TNFRSF19: variants seen among roughly 807,000 people sequenced by gnomAD.
TNFRSF19 encodes tumor necrosis factor receptor superfamily member 19.
TNFRSF19 carries 27 observed loss-of-function variants against 46.4 expected under a neutral mutation model. The observed-to-expected ratio is 0.58, with a 90% CI of 0.43 to 0.80. The LOEUF (loss-of-function observed/expected upper bound fraction) is 0.80. Ranked by LOEUF, TNFRSF19 falls within the 30% of genes least tolerant of loss-of-function variation. The pLI, the probability that TNFRSF19 is intolerant of heterozygous loss-of-function variation, is 0.00. For missense variants in TNFRSF19, 511 were observed against 530.8 expected (o/e 0.96, Z 0.37); for synonymous variants, 204 against 205.0 (o/e 1.00, Z 0.04).
intron 5 of TNFRSF19, among the ~76,000 whole-genome samples, chr13:23,638,788 C>T (rs1861072229): frequency 6.6e-6 from 1 of 152,142 alleles, no homozygotes; most frequent in African/African-American, 2.4e-5. Flanking sequence ...CTCTTGACTC[C>T]TTTGCTCCCT....
intron 7 of TNFRSF19, among the ~76,000 whole-genome samples, chr13:23,664,478 C>G (rs1186991371): frequency 6.6e-6 from 1 of 152,168 alleles, no homozygotes; most frequent in Non-Finnish European, 1.5e-5. Flanking sequence ...AATTAAAACC[C>G]TCTATAGCCA....
At chr13:23,623,009 G>T (rs1381334464) in intron 4 of TNFRSF19, among the ~76,000 whole-genome samples, 1 of 152,064 alleles carries the variant, frequency 6.6e-6, no homozygotes, top group Admixed American at 6.5e-5. Context: ...TTTTAGGTGC[G>T]CAGTTCAGTA....
Position 23,573,038 on chromosome 13 carries a change from G to A in TNFRSF19, c.-35+2190G>A, listed in dbSNP as rs1165827171. ...TGATCACATCATCTTTATGAAATAA[G>A]CAGAATTGGAATTTTTATGGCCATT... On this transcript the variant is annotated intron_variant, in intron 1 of 9. Transcript: ENST00000248484. Among the ~76,000 whole-genome samples the A allele has an allele frequency of 2.6e-5, 4 of 152,168 alleles. No homozygotes were observed. The East Asian group carries it at 7.7e-4, about 29-fold the overall frequency.
At chr13:23,604,244 A>T (rs1880363974) in intron 3 of TNFRSF19, among the ~76,000 whole-genome samples, 1 of 148,126 alleles carries the variant, frequency 6.8e-6, no homozygotes, top group African/African-American at 2.6e-5. Context: ...AAAACACAAT[A>T]TAATTTATAT....
At chr13:23,620,354 A>G (rs765316393) in intron 4 of TNFRSF19, among the ~76,000 whole-genome samples, 1 of 152,184 alleles carries the variant, frequency 6.6e-6, no homozygotes, top group African/African-American at 2.4e-5. Context: ...TTCTCTAGCA[A>G]GAACCTGCTG....
chr13:23,581,328 A>G (rs980278129), intron 1 of TNFRSF19, among the ~76,000 whole-genome samples: 5 of 151,844 alleles, frequency 3.3e-5, no homozygotes, highest in African/African-American at 1.2e-4. Flanking sequence ...TTGTATTTTT[A>G]GTAGAGACAG....
In TNFRSF19 at chr13:23,659,669, G is replaced by A. The variant is rs191829449; in HGVS notation, c.610+455G>A. 5.3e-5 allele frequency among the ~76,000 whole-genome samples: 8 copies of A among 152,060 alleles called. No homozygotes were observed. On this transcript the variant is annotated intron_variant, in intron 6 of 9. Coordinates refer to ENST00000248484, the MANE Select transcript of TNFRSF19 (RefSeq NM_148957.4). This position sits in a 1 kb window ranked among gnomAD's most constrained non-coding sequence, Gnocchi z 4.9. Reference sequence around the variant, plus strand: ...CTACAGGCGCCCGCCACCACGCCTGGATAATTTTTGTATTTTTAGTAGAAA... The same window carrying A: ...CTACAGGCGCCCGCCACCACGCCTGAATAATTTTTGTATTTTTAGTAGAAA...
At chr13:23,576,436 A>G (rs1877963406) in intron 1 of TNFRSF19, among the ~76,000 whole-genome samples, 1 of 152,150 alleles carries the variant, frequency 6.6e-6, no homozygotes, top group Non-Finnish European at 1.5e-5. Flanking sequence ...CCCGGCCCAC[A>G]GAACTCTTTT....
intron 3 of TNFRSF19, among the ~76,000 whole-genome samples, chr13:23,603,944 AG>A (rs1247902199): frequency 6.6e-6 from 1 of 152,070 alleles, no homozygotes; most frequent in Non-Finnish European, 1.5e-5. Context: ...GAACAAGGCA[AG>A]GATGTTCCCT....
At chr13:23,602,745 CA>C (rs1168381371) in intron 3 of TNFRSF19, among the ~76,000 whole-genome samples, 2 of 151,948 alleles carry the variant, frequency 1.3e-5, no homozygotes, top group Non-Finnish European at 2.9e-5. Flanking sequence ...AGATTAAGAA[CA>C]CACTTCTAAA....
intron 5 of TNFRSF19, among the ~76,000 whole-genome samples, chr13:23,641,907 T>G (rs1331729894): frequency 3.3e-5 from 5 of 152,234 alleles, no homozygotes; most frequent in African/African-American, 1.2e-4. Context: ...GCTTTAAATG[T>G]GCTCAGTACA....
intron 1 of TNFRSF19, among the ~76,000 whole-genome samples, chr13:23,588,381 TG>T (rs758081656): frequency 6.6e-6 from 1 of 152,224 alleles, no homozygotes; most frequent in Non-Finnish European, 1.5e-5. Flanking sequence ...GTTCTATTTT[TG>T]TCTCCTTATG....
At chr13:23,647,997 G>A in intron 5 of TNFRSF19, among the ~76,000 whole-genome samples, 1 of 151,854 alleles carries the variant, frequency 6.6e-6, no homozygotes, top group Admixed American at 6.6e-5. Context: ...TGTAGCTTTT[G>A]TAGTAAGGTT....
intron 1 of TNFRSF19, among the ~76,000 whole-genome samples, chr13:23,575,233 G>A (rs1245192778): frequency 1.3e-5 from 2 of 152,172 alleles, no homozygotes; most frequent in Non-Finnish European, 2.9e-5. Context: ...AGCCAATGAG[G>A]TACTCAGGGC....
chr13:23,594,071 C>T (rs866261518), intron 3 of TNFRSF19, among the ~76,000 whole-genome samples: 5 of 152,182 alleles, frequency 3.3e-5, no homozygotes, highest in South Asian at 4.1e-4. Context: ...CACTCCAACC[C>T]GGATACTACG....
In TNFRSF19 at chr13:23,668,043, T is replaced by G; in HGVS notation, c.800T>G (p.Leu267Arg). The stretch of plus-strand genomic sequence containing the variant: ...GCCTGCAGCCCCAACCCGGCGACTC[T>G]TGGTTGTGGGGTGCATTCTGCAGCC... ...EEACSPNPAT[L>R]GCGVHSAASL... Residue 267 changes from leucine to arginine, a missense_variant, in exon 8 of 10, where the codon CTT becomes CGT. By Grantham distance (102) the Leu-to-Arg change is moderately radical (BLOSUM62 -2). Around this residue, in one of 3 missense-constraint regions of TNFRSF19, gnomAD observed 376 missense variants for 372.7 expected, o/e 1.01. Coordinates refer to ENST00000248484, the MANE Select transcript of TNFRSF19 (RefSeq NM_148957.4). The G allele has an allele frequency of 6.2e-7, 1 of 1,610,186 alleles. No homozygotes were observed.
At chr13:23,578,615 A>G (rs923251091) in intron 1 of TNFRSF19, among the ~76,000 whole-genome samples, 6 of 152,248 alleles carry the variant, frequency 3.9e-5, no homozygotes, top group African/African-American at 1.4e-4. Context: ...GAAACGGTGG[A>G]TGCCTTGGTA....
At chr13:23,661,055 A>C (rs972683875) in intron 7 of TNFRSF19, among the ~76,000 whole-genome samples, 11 of 152,154 alleles carry the variant, frequency 7.2e-5, no homozygotes, top group African/African-American at 2.4e-4. Flanking sequence ...ACTTTTTAAA[A>C]ACTTTTATTT....
intron 5 of TNFRSF19, among the ~76,000 whole-genome samples, chr13:23,648,720 G>GT (rs1463781333): frequency 1.3e-5 from 2 of 152,158 alleles, no homozygotes; most frequent in African/African-American, 4.8e-5. Flanking sequence ...GATGTTAGCT[G>GT]TGAATTTTTC....
Sources: allele counts gnomAD v4.1 joint callset (sites outside exome capture counted in the v4.1 genomes callset), GRCh38; gene constraint gnomAD v4.1.1; regional missense constraint gnomAD v4.1.1; non-coding constraint Gnocchi (gnomAD v3.1); transcripts MANE v1.5; gene names NCBI Gene and HGNC (gene_info 2026-07-23, HGNC 2026-07-21).